The following VWF variants were observed in gnomAD, a reference collection of about 807,000 sequenced individuals.
The protein encoded by VWF is Factor VIII related antigen.
VWF carries 176 observed loss-of-function variants against 308.6 expected under a neutral mutation model. That is an observed-to-expected ratio of 0.57 (90% CI 0.50 to 0.65). VWF has a LOEUF of 0.65. Among genes scored for constraint, VWF ranks in the 30% least tolerant of loss-of-function variants. VWF has a pLI of 0.00. For synonymous variants in VWF, 1,385 were observed against 1,443.4 expected (o/e 0.96, Z 0.92); for missense variants, 3,146 against 3,648.2 (o/e 0.86, Z 3.55).
At chr12:5,972,585 G>A (rs1256926933) in intron 43 of VWF, among the ~76,000 whole-genome samples, 1 of 152,164 alleles carries the variant, frequency 6.6e-6, no homozygotes, top group East Asian at 1.9e-4. Context: ...ATCTGAAGAT[G>A]CACAACACGT....
Position 5,970,104 on chromosome 12 carries a change from C to G in VWF, c.7549-713G>C, listed in dbSNP as rs1048321045. Among the ~76,000 whole-genome samples the G allele has an allele frequency of 2.0e-5, 3 of 152,280 alleles. No homozygotes were observed. The South Asian group carries it at 6.2e-4, about 32-fold the overall frequency. ...GATGAGGTGTAGAAAATGCCAAACA[C>G]TTGCAGCCATTCTCTTCACCCCCCA... On this transcript the variant is annotated intron_variant, in intron 44 of 51. Coordinates refer to ENST00000261405, the MANE Select transcript of VWF (RefSeq NM_000552.5).
At chr12:6,042,700 C>T (rs991832490) in intron 18 of VWF, among the ~76,000 whole-genome samples, 7 of 152,136 alleles carry the variant, frequency 4.6e-5, no homozygotes, top group Admixed American at 2.0e-4. Flanking sequence ...ATGAAATGAG[C>T]GCCTAACAGG....
rs561372901 is a variant in VWF at position 6,122,976 on chromosome 12, A to G, written c.55+166T>C. Reference sequence around the variant, plus strand: ...TGCAGGCACCTGGTCTCTGGAATACAAGTCAAGGGTGGGAACTCCGCAGAA... The same window carrying G: ...TGCAGGCACCTGGTCTCTGGAATACGAGTCAAGGGTGGGAACTCCGCAGAA... On this transcript the variant is annotated intron_variant, in intron 2 of 51. Coordinates refer to ENST00000261405, the MANE Select transcript of VWF (RefSeq NM_000552.5). 3.5e-4 allele frequency: 297 copies of G among 844,806 alleles called. 4 individuals carry two copies. Among genetic ancestry groups the G allele is most frequent in the South Asian group, 1.9e-3 (139 of 73,880 alleles). The allele number at this position is 844,806 out of a possible 1,614,324, so 52.3% of individuals were successfully genotyped here.
Position 6,031,534 on chromosome 12 carries a change from C to A in VWF, c.2730G>T (p.Gly910=). ...SNPGTFRILV[G]NKGCSHPSVK... Reference sequence around the variant, plus strand: ...CTGAGGGGTGGCTGCATCCCTTATTCCCCACTAGGATCCGAAAGGTCCCAG... The same window carrying A: ...CTGAGGGGTGGCTGCATCCCTTATTACCCACTAGGATCCGAAAGGTCCCAG... The change falls in exon 21 of 52, where the codon GGG becomes GGT. Residue 910 remains glycine (G), a synonymous_variant. Coordinates refer to ENST00000261405, the MANE Select transcript of VWF (RefSeq NM_000552.5). 1 of 1,614,102 alleles carries A rather than the reference C, an allele frequency of 6.2e-7. No homozygotes were observed. The highest frequency in any genetic ancestry group is 8.5e-7 in the Non-Finnish European group (1 of 1,180,010).
chr12:6,013,723 A>G (rs540804397), intron 31 of VWF, 78 bp from the exon 32 acceptor site: 27 of 1,522,844 alleles, frequency 1.8e-5, no homozygotes, highest in Admixed American at 3.4e-5. Flanking sequence ...TATATCCAGC[A>G]TCTGAATACA....
At position 6,065,165 on chromosome 12, in the gene VWF, G is replaced by A. The variant is rs765997490; in HGVS notation, c.1265C>T (p.Ser422Phe). Residue 422 changes from serine to phenylalanine, a missense_variant, in exon 11 of 52, where the codon TCC becomes TTC. By Grantham distance (155) the Ser-to-Phe change is radical (BLOSUM62 -2). This residue lies in a region of VWF where 1,304 missense variants were observed against 1,353.0 expected (regional missense o/e 0.96). Transcript: ENST00000261405. ...GACAGTCTCAATGACAATGGAGAAG[G>A]AGTGGTCCTGGCAATCCCGGGCCAG... ...YLLARDCQDH[S>F]FSIVIETVQC... The A allele has an allele frequency of 6.2e-7, 1 of 1,614,250 alleles. No homozygotes were observed. Among genetic ancestry groups the A allele is most frequent in the Non-Finnish European group, 8.5e-7 (1 of 1,180,052 alleles).
intron 18 of VWF, among the ~76,000 whole-genome samples, chr12:6,040,610 A>T (rs971664023): frequency 5.9e-5 from 9 of 152,200 alleles, no homozygotes; most frequent in Non-Finnish European, 1.5e-5. Context: ...AGATGTTAGG[A>T]GGCAGGATTC....
Position 5,969,321 on chromosome 12 carries a change from A to G in VWF, c.7619T>C (p.Val2540Ala), listed in dbSNP as rs150778949. Residue 2540 changes from valine (V) to alanine (A), a missense_variant, in exon 45 of 52, where the codon GTC becomes GCC. This residue lies in a region of VWF where 989 missense variants were observed against 1,117.4 expected (regional missense o/e 0.89). Coordinates refer to ENST00000261405, the MANE Select transcript of VWF (RefSeq NM_000552.5). The part of the protein sequence containing the change: ...INECVRVKEE[V>A]FIQQRNVSCP... ...GGAGACGTTCCTTTGTTGTATAAAG[A>G]CCTCCTCCTTCACTCGGACACACTC... The G allele has an allele frequency of 5.9e-5, 96 of 1,613,878 alleles. No individual in the cohort carries two copies. The African/African-American group carries it at 1.2e-3, about 20-fold the overall frequency.
rs1184722423 is a variant in VWF, at chr12:6,077,081, G to A, written c.658-1530C>T. 2.6e-5 allele frequency among the ~76,000 whole-genome samples: 4 copies of A among 152,280 alleles called. No homozygotes were observed. In the South Asian group the frequency reaches 6.2e-4, roughly 24 times the overall value. On this transcript the variant is annotated intron_variant, in intron 6 of 51. Transcript: ENST00000261405. ...TCCCAGCACTTTGGGAGGCCAAGTC[G>A]GGCGGATCACTTGAGATCAGGAATT...
At chr12:6,065,725 G>A (rs113184743) in intron 10 of VWF, among the ~76,000 whole-genome samples, 3 of 152,216 alleles carry the variant, frequency 2.0e-5, no homozygotes, top group Middle Eastern at 3.4e-3. Context: ...CTCTGAACCT[G>A]AGTGTGGAGA....
At chr12:6,049,392 C>T (rs908807826) in intron 16 of VWF, among the ~76,000 whole-genome samples, 3 of 152,144 alleles carry the variant, frequency 2.0e-5, no homozygotes, top group African/African-American at 7.2e-5. Context: ...CAGGGTCACT[C>T]CCCAACCCTG....
chr12:6,065,491 T>A (rs1378408384), intron 10 of VWF, among the ~76,000 whole-genome samples: 1 of 152,170 alleles, frequency 6.6e-6, no homozygotes, highest in Non-Finnish European at 1.5e-5. Context: ...AAGGCCTCAT[T>A]TTACAGATGG....
chr12:6,077,946 CAG>C (rs1378298289), intron 6 of VWF, among the ~76,000 whole-genome samples: 3 of 152,168 alleles, frequency 2.0e-5, no homozygotes, highest in African/African-American at 7.2e-5. Flanking sequence ...CTCTGCAAAA[CAG>C]GGGAGAATAG....
At chr12:6,028,754 A>G (rs1944222783) in intron 22 of VWF, among the ~76,000 whole-genome samples, 1 of 152,240 alleles carries the variant, frequency 6.6e-6, no homozygotes, top group South Asian at 2.1e-4. Flanking sequence ...AGAGCTCCTG[A>G]AGGAAGCACT....
chr12:5,971,047 G>C (rs907206794), intron 44 of VWF, among the ~76,000 whole-genome samples: 1 of 152,230 alleles, frequency 6.6e-6, no homozygotes, highest in Non-Finnish European at 1.5e-5. Context: ...GGACTGGCGG[G>C]GGTGAGCCAG....
chr12:6,069,907 C>A (rs1257644620), intron 10 of VWF, among the ~76,000 whole-genome samples: 2 of 152,120 alleles, frequency 1.3e-5, no homozygotes, highest in African/African-American at 4.8e-5. Flanking sequence ...GATGAATGGA[C>A]AGTTGGAAGG....
At chr12:6,039,401 G>T (rs980832311) in intron 18 of VWF, among the ~76,000 whole-genome samples, 1 of 152,110 alleles carries the variant, frequency 6.6e-6, no homozygotes, top group Non-Finnish European at 1.5e-5. Flanking sequence ...GAACACCATC[G>T]TGACCCACTC....
intron 3 of VWF, among the ~76,000 whole-genome samples, chr12:6,116,721 T>C (rs1202851826): frequency 6.6e-6 from 1 of 152,186 alleles, no homozygotes; most frequent in Non-Finnish European, 1.5e-5. Flanking sequence ...CCTCGAACCC[T>C]GGAGCCTGCC....
intron 26 of VWF, among the ~76,000 whole-genome samples, chr12:6,022,461 A>C (rs2136417130): frequency 6.6e-6 from 1 of 151,874 alleles, no homozygotes; most frequent in East Asian, 1.9e-4. Context: ...AGTTACATTC[A>C]ATACAACATT....
Sources: gnomAD v4.1 joint callset for allele counts (sites outside exome capture counted in the v4.1 genomes callset) on GRCh38, gnomAD v4.1.1 for gene constraint, gnomAD v4.1.1 regional missense constraint, MANE v1.5 for transcripts, NCBI Gene and HGNC (gene_info 2026-07-23, HGNC 2026-07-21) for gene names.